Variants in MEI4 observed in about 807,000 individuals in gnomAD.
The protein encoded by MEI4 is meiotic double-stranded break formation protein 4.
In MEI4, 27 loss-of-function variants were observed where a neutral mutation model predicts 31.4. That is an observed-to-expected ratio of 0.86 (90% confidence interval 0.63 to 1.19). MEI4 has a LOEUF of 1.19. MEI4 is among the 50% of genes most tolerant of loss of function. MEI4 has a pLI of 0.00. For synonymous variants in MEI4, 122 were observed against 145.4 expected (o/e 0.84, Z 1.16); for missense variants, 329 against 398.9 (o/e 0.82, Z 1.49).
chr6:77,789,260 T>C (rs1183435780), intron 3 of MEI4, among the ~76,000 whole-genome samples: 1 of 152,136 alleles, frequency 6.6e-6, no homozygotes, highest in Admixed American at 6.5e-5. Flanking sequence ...CAATTCAAGA[T>C]GGATTAAAGA....
rs1452887274 is a variant in MEI4, at chr6:77,923,329, G to C, written c.1141G>C (p.Glu381Gln). The C allele has an allele frequency of 8.1e-7, 1 of 1,229,794 alleles. No individual in the cohort carries two copies. The highest frequency in any genetic ancestry group is 1.0e-6 in the Non-Finnish European group (1 of 986,338). The allele number at this position is 1,229,794 out of a possible 1,614,324, so 76.2% of individuals were successfully genotyped here. Reference sequence around the variant, plus strand: ...CATTCTTTTGAGCTCAGCACAGATAGAAACTCTTAGAAAATAACTCCATTC... The same window carrying C: ...CATTCTTTTGAGCTCAGCACAGATACAAACTCTTAGAAAATAACTCCATTC... ...VGILLSSAQI[E>Q]TLRK Residue 381 changes from glutamate to glutamine, a missense_variant, in exon 5 of 5, where the codon GAA becomes CAA. Transcript: ENST00000684080.
At chr6:77,795,248 A>G (rs1158616023) in intron 3 of MEI4, among the ~76,000 whole-genome samples, 1 of 152,208 alleles carries the variant, frequency 6.6e-6, no homozygotes. Context: ...GAAAGATGAT[A>G]GACTTAAAAA....
chr6:77,696,835 G>A (rs1217542523), intron 2 of MEI4, among the ~76,000 whole-genome samples: 1 of 152,134 alleles, frequency 6.6e-6, no homozygotes, highest in Non-Finnish European at 1.5e-5. Flanking sequence ...GTTTCAGAAG[G>A]AATGGTACCA....
chr6:77,874,989 A>G (rs1397813935), intron 4 of MEI4, among the ~76,000 whole-genome samples: 2 of 152,216 alleles, frequency 1.3e-5, no homozygotes, highest in South Asian at 2.1e-4. Flanking sequence ...TTTTAAAACT[A>G]AGTGGTCATA....
At chr6:77,868,434 G>A (rs960960031) in intron 4 of MEI4, among the ~76,000 whole-genome samples, 17 of 140,802 alleles carry the variant, frequency 1.2e-4, no homozygotes, top group African/African-American at 4.1e-4. Flanking sequence ...TGACTGCAGA[G>A]CTTCTGTGAA....
chr6:77,739,961 C>T (rs62419092), intron 2 of MEI4, among the ~76,000 whole-genome samples: 1 of 152,064 alleles, frequency 6.6e-6, no homozygotes, highest in East Asian at 1.9e-4. Context: ...TCCTCCTAAC[C>T]CTGCCTTAGC....
intron 3 of MEI4, among the ~76,000 whole-genome samples, chr6:77,824,565 A>C (rs896064474): frequency 2.0e-5 from 3 of 151,824 alleles, no homozygotes; most frequent in Non-Finnish European, 4.4e-5. Context: ...TCTTATATTG[A>C]TATTATTATA....
intron 4 of MEI4, among the ~76,000 whole-genome samples, chr6:77,845,472 T>A (rs1174173846): frequency 6.6e-6 from 1 of 152,186 alleles, no homozygotes; most frequent in Non-Finnish European, 1.5e-5. Flanking sequence ...CAATTTTATA[T>A]CTTAATTTTC....
chr6:77,821,325 T>A (rs1317766633), intron 3 of MEI4, among the ~76,000 whole-genome samples: 1 of 152,194 alleles, frequency 6.6e-6, no homozygotes, highest in Admixed American at 6.5e-5. Context: ...TTGTCTGAAC[T>A]TAGTCTATAA....
At chr6:77,656,789 A>G (rs912569405) in intron 1 of MEI4, among the ~76,000 whole-genome samples, 5 of 152,168 alleles carry the variant, frequency 3.3e-5, no homozygotes, top group Non-Finnish European at 7.4e-5. Context: ...TCTTATAAAG[A>G]TTATCTTTTA....
At chr6:77,807,468 A>G (rs1040489377) in intron 3 of MEI4, among the ~76,000 whole-genome samples, 1 of 152,146 alleles carries the variant, frequency 6.6e-6, no homozygotes, top group Non-Finnish European at 1.5e-5. Context: ...ATTCACCCCC[A>G]GTCTTAACAA....
intron 4 of MEI4, among the ~76,000 whole-genome samples, chr6:77,832,380 TAA>T (rs913071326): frequency 6.6e-6 from 1 of 152,038 alleles, no homozygotes; most frequent in Non-Finnish European, 1.5e-5. Context: ...GTACTCTATA[TAA>T]GTCTGATTTA....
chr6:77,812,213 A>C (rs547266304), intron 3 of MEI4, among the ~76,000 whole-genome samples: 1 of 152,272 alleles, frequency 6.6e-6, no homozygotes, highest in Non-Finnish European at 1.5e-5. Flanking sequence ...AGACACTAGA[A>C]CATATACAAG....
chr6:77,883,925 G>C (rs1424108886), intron 4 of MEI4, among the ~76,000 whole-genome samples: 1 of 151,000 alleles, frequency 6.6e-6, no homozygotes, highest in Non-Finnish European at 1.5e-5. Context: ...TGTACTTTCA[G>C]GGTTTTTTTT....
intron 4 of MEI4, among the ~76,000 whole-genome samples, chr6:77,920,127 G>C (rs1766668902): frequency 6.6e-6 from 1 of 150,464 alleles, no homozygotes; most frequent in Non-Finnish European, 1.5e-5. Flanking sequence ...GAAAAAGAGG[G>C]AATCCTCCCT....
chr6:77,738,899 GTGTC>G (rs753359923), intron 2 of MEI4, among the ~76,000 whole-genome samples: 8 of 152,156 alleles, frequency 5.3e-5, no homozygotes, highest in Non-Finnish European at 1.0e-4. Context: ...CTTTTGAAAA[GTGTC>G]TGTTCATATC....
intron 3 of MEI4, among the ~76,000 whole-genome samples, chr6:77,805,826 T>A (rs1769417224): frequency 6.6e-6 from 1 of 151,774 alleles, no homozygotes; most frequent in African/African-American, 2.4e-5. Flanking sequence ...ATCATTTCAT[T>A]CTGTAGCACA....
chr6:77,730,931 T>C (rs1321187798), intron 2 of MEI4, among the ~76,000 whole-genome samples: 3 of 151,810 alleles, frequency 2.0e-5, no homozygotes, highest in African/African-American at 7.3e-5. Flanking sequence ...TCCAATTTCA[T>C]CCATGTCCCT....
At chr6:77,690,036 G>A (rs1379893682) in intron 1 of MEI4, among the ~76,000 whole-genome samples, 2 of 151,950 alleles carry the variant, frequency 1.3e-5, no homozygotes, top group African/African-American at 2.4e-5. Flanking sequence ...TCAGAATGAC[G>A]ATTGGAAATC....
Sources: gnomAD v4.1 joint callset for allele counts (sites outside exome capture counted in the v4.1 genomes callset) on GRCh38, gnomAD v4.1.1 for gene constraint, MANE v1.5 for transcripts, NCBI Gene and HGNC (gene_info 2026-07-23, HGNC 2026-07-21) for gene names.